Variants in MTUS2 observed in about 807,000 individuals in gnomAD.
MTUS2 encodes the protein microtubule associated scaffold protein 2.
In MTUS2, 40 loss-of-function variants were observed where a neutral mutation model predicts 114.1. That is an observed-to-expected ratio of 0.35 (90% CI 0.27 to 0.46). The LOEUF (loss-of-function observed/expected upper bound fraction) is 0.46. Among genes scored for constraint, MTUS2 ranks in the 20% least tolerant of loss-of-function variants. The pLI is 1.00. For synonymous variants in MTUS2, 688 were observed against 672.0 expected, an observed-to-expected ratio of 1.02 and a Z score of -0.37; for missense variants, 1,679 against 1,705.4, an observed-to-expected ratio of 0.98 and a Z score of 0.27.
chr13:28,852,069 T>C (rs1876313179), intron 2 of MTUS2, among the ~76,000 whole-genome samples: 1 of 152,156 alleles, frequency 6.6e-6, no homozygotes, highest in Non-Finnish European at 1.5e-5. Flanking sequence ...TCAGTCACTT[T>C]CCTGTCTCAG....
chr13:29,242,167 G>A (rs1460083972), intron 5 of MTUS2, among the ~76,000 whole-genome samples: 1 of 152,056 alleles, frequency 6.6e-6, no homozygotes, highest in Non-Finnish European at 1.5e-5. Context: ...TTACTGAGTG[G>A]TTCAACCATA....
chr13:29,375,265 AACAG>A (rs1871489739), intron 8 of MTUS2, among the ~76,000 whole-genome samples: 1 of 95,330 alleles, frequency 1.0e-5, no homozygotes, highest in Admixed American at 1.4e-4. Flanking sequence ...TCAGGAACAT[AACAG>A]ACAATTTAAA....
intron 2 of MTUS2, among the ~76,000 whole-genome samples, chr13:28,977,644 TG>T (rs1884176194): frequency 6.6e-6 from 1 of 152,228 alleles, no homozygotes; most frequent in African/African-American, 2.4e-5. Flanking sequence ...GTTACTTCGC[TG>T]TATTATCAGG....
intron 9 of MTUS2, among the ~76,000 whole-genome samples, chr13:29,471,328 C>T (rs1233855438): frequency 6.6e-6 from 1 of 152,058 alleles, no homozygotes. Context: ...CAGAGCGAGA[C>T]TCCATCTCAA....
chr13:29,484,678 C>T (rs1404228158), intron 10 of MTUS2, among the ~76,000 whole-genome samples: 1 of 149,946 alleles, frequency 6.7e-6, no homozygotes, highest in African/African-American at 2.5e-5. Flanking sequence ...GCCTCCCTCT[C>T]TCTCATCCCA....
At chr13:29,032,726 A>G (rs1361415997) in intron 3 of MTUS2, among the ~76,000 whole-genome samples, 1 of 152,252 alleles carries the variant, frequency 6.6e-6, no homozygotes, top group African/African-American at 2.4e-5. Context: ...ATGAGTATCA[A>G]TTTAAGGGTT....
At chr13:29,205,610 CT>C (rs745921133) in intron 5 of MTUS2, among the ~76,000 whole-genome samples, 6 of 152,188 alleles carry the variant, frequency 3.9e-5, no homozygotes, top group African/African-American at 7.2e-5. Flanking sequence ...ATTCTTATGC[CT>C]TTGCATCCTC....
chr13:28,853,462 T>A (rs1248819151), intron 2 of MTUS2, among the ~76,000 whole-genome samples: 2 of 152,310 alleles, frequency 1.3e-5, no homozygotes, highest in East Asian at 1.9e-4. Context: ...TATATTTTGC[T>A]ATAAGGACTG....
At chr13:29,012,442 T>C (rs1326168796) in intron 2 of MTUS2, among the ~76,000 whole-genome samples, 1 of 152,018 alleles carries the variant, frequency 6.6e-6, no homozygotes, top group Non-Finnish European at 1.5e-5. Flanking sequence ...GGATTTGTGG[T>C]AGGAAGGAAG....
intron 5 of MTUS2, among the ~76,000 whole-genome samples, chr13:29,220,543 A>G (rs1007151153): frequency 1.3e-5 from 2 of 152,158 alleles, no homozygotes; most frequent in Non-Finnish European, 2.9e-5. Context: ...GCCTTGGGGA[A>G]TAGGGAGTCC....
At chr13:28,921,235 A>G in intron 2 of MTUS2, among the ~76,000 whole-genome samples, 1 of 151,590 alleles carries the variant, frequency 6.6e-6, no homozygotes, top group Non-Finnish European at 1.5e-5. Flanking sequence ...TTTAGGGCCC[A>G]AGGGCTCTTT....
chr13:29,033,177 A>C (rs1451348047), intron 3 of MTUS2, among the ~76,000 whole-genome samples: 1 of 152,218 alleles, frequency 6.6e-6, no homozygotes, highest in Non-Finnish European at 1.5e-5. Context: ...TTTTGGTGCT[A>C]TGAAGTCAGC....
intron 2 of MTUS2, among the ~76,000 whole-genome samples, chr13:29,016,599 A>G (rs1886077754): frequency 6.6e-6 from 1 of 152,062 alleles, no homozygotes; most frequent in Non-Finnish European, 1.5e-5. Flanking sequence ...CTTTCTACTC[A>G]TGTATATATT....
At chr13:29,459,284 G>A (rs1879323688) in intron 9 of MTUS2, among the ~76,000 whole-genome samples, 1 of 152,118 alleles carries the variant, frequency 6.6e-6, no homozygotes, top group Admixed American at 6.5e-5. Context: ...TTATTGACAT[G>A]CCACAATTTA....
At chr13:29,305,264 G>C (rs1899391668) in intron 6 of MTUS2, among the ~76,000 whole-genome samples, 1 of 152,048 alleles carries the variant, frequency 6.6e-6, no homozygotes, top group South Asian at 2.1e-4. Context: ...AAAGCTAGCA[G>C]AAGACAAGGA....
chr13:29,245,048 C>G (rs573089272), intron 5 of MTUS2, among the ~76,000 whole-genome samples: 4 of 147,850 alleles, frequency 2.7e-5, no homozygotes, highest in Admixed American at 1.4e-4. Flanking sequence ...TATCATTTGT[C>G]TGGAGATTGA....
intron 5 of MTUS2, among the ~76,000 whole-genome samples, chr13:29,211,608 G>A (rs1397432979): frequency 6.6e-6 from 1 of 152,172 alleles, no homozygotes; most frequent in African/African-American, 2.4e-5. Flanking sequence ...TGGGGTCTGA[G>A]AGTGCCCACG....
intron 2 of MTUS2, among the ~76,000 whole-genome samples, chr13:28,902,835 G>C (rs1435402932): frequency 6.6e-6 from 1 of 152,106 alleles, no homozygotes; most frequent in Non-Finnish European, 1.5e-5. Context: ...TTATTAAATA[G>C]AATGATTTGG....
chr13:29,432,087 A>C (rs1231597740), intron 8 of MTUS2, among the ~76,000 whole-genome samples: 1 of 148,542 alleles, frequency 6.7e-6, no homozygotes, highest in East Asian at 2.0e-4. Flanking sequence ...TTTTTGGCTC[A>C]AGTGATCCAC....
Sources: gnomAD v4.1 joint callset for allele counts (sites outside exome capture counted in the v4.1 genomes callset) on GRCh38, gnomAD v4.1.1 for gene constraint, MANE v1.5 for transcripts, NCBI Gene and HGNC (gene_info 2026-07-23, HGNC 2026-07-21) for gene names.